The following ANAPC7 variants were observed in gnomAD, a reference collection of about 807,000 sequenced individuals.
The protein encoded by ANAPC7 is anaphase-promoting complex subunit 7.
Under a neutral mutation model 63.3 loss-of-function variants are expected in ANAPC7, and 25 were observed. The observed-to-expected ratio is 0.39, with a 90% confidence interval of 0.29 to 0.55. The LOEUF is 0.55. ANAPC7 is among the 20% of genes least tolerant of loss of function. The probability of loss-of-function intolerance (pLI) is 0.57; values close to 1 mark genes in which losing one functional copy is unlikely to be tolerated. For missense variants in ANAPC7, 516 were observed against 691.7 expected, an observed-to-expected ratio of 0.75 and a Z score of 2.85; for synonymous variants, 241 against 251.7, an observed-to-expected ratio of 0.96 and a Z score of 0.40.
In ANAPC7 at chr12:110,396,481, C is replaced by A. The variant is rs1474947139; in HGVS notation, c.102-29G>T. The A allele has an allele frequency of 4.6e-6, 7 of 1,515,424 alleles. No individual in the cohort carries two copies. The South Asian group carries it at 7.3e-5, about 16-fold the overall frequency. 93.9% of individuals were successfully genotyped at this position (1,515,424 alleles called of 1,614,324 possible). A position where few individuals can be genotyped will look rare whatever the true frequency, so the allele number is the denominator to read the frequency against. ...GAAAACAAGAGAAAATGTAATACAT[C>A]TTTTCCTCCCTTTCAATCCAAGCTC... On this transcript the variant is annotated intron_variant, in intron 1 of 10. Transcript: ENST00000455511.
chr12:110,393,818 G>T (rs2137974993), intron 3 of ANAPC7, among the ~76,000 whole-genome samples: 1 of 140,040 alleles, frequency 7.1e-6, no homozygotes, highest in Admixed American at 7.7e-5. Context: ...AGTGAGCTGA[G>T]ATTGCACCAT....
Position 110,395,227 on chromosome 12 carries a change from GA to G in ANAPC7, c.289-8del. On this transcript the variant is annotated splice_polypyrimidine_tract_variant and splice_region_variant and intron_variant, in intron 2 of 10. Coordinates refer to ENST00000455511, the MANE Select transcript of ANAPC7 (RefSeq NM_016238.3). ...CAATTTCAGATGGAAGACACTAAAA[GA>G]CAATGGAAATATTTCTTTGAAACGT... 1 of 1,603,796 alleles carries G rather than the reference GA, an allele frequency of 6.2e-7. No homozygotes were observed. The highest frequency in any genetic ancestry group is 2.2e-5 in the East Asian group (1 of 44,738).
rs551234332 is a variant in ANAPC7, at chr12:110,389,098, A to G, written c.409-475T>C. Among the ~76,000 whole-genome samples the G allele has an allele frequency of 1.6e-3, 232 of 145,936 alleles. 2 individuals are homozygous for G. The highest frequency in any genetic ancestry group is 3.7e-3 in the African/African-American group (136 of 37,240). ...CTCCATCTTAAAAAAAAAAAAAAAA[A>G]AAAAGAAAAGAAAAGAAATTACTAC... On this transcript the variant is annotated intron_variant, in intron 3 of 10. Transcript: ENST00000455511.
chr12:110,388,294 C>T, intron 4 of ANAPC7, among the ~76,000 whole-genome samples: 1 of 152,142 alleles, frequency 6.6e-6, no homozygotes, highest in East Asian at 1.9e-4. Context: ...ACCTCAGCCT[C>T]CCAAGGTGCT....
chr12:110,397,429 T>G (rs1280884744), intron 1 of ANAPC7, among the ~76,000 whole-genome samples: 1 of 151,834 alleles, frequency 6.6e-6, no homozygotes, highest in East Asian at 1.9e-4. Context: ...GGCAGGCGCC[T>G]GTAGTCCCAG....
At chr12:110,401,073 C>T (rs997055632) in intron 1 of ANAPC7, among the ~76,000 whole-genome samples, 2 of 152,042 alleles carry the variant, frequency 1.3e-5, no homozygotes, top group African/African-American at 4.8e-5. Context: ...AACAAAACAC[C>T]AAAGTGCACT....
At position 110,382,971 on chromosome 12, in the gene ANAPC7, A is replaced by AT. The variant is rs768547668; in HGVS notation, c.818-12_818-11insA. The AT allele has an allele frequency of 6.4e-5, 102 of 1,604,554 alleles. No homozygotes were observed. The highest frequency in any genetic ancestry group is 8.4e-5 in the Non-Finnish European group (99 of 1,172,528). ...CATATACATCCATTCCTAGAAGAGA[A>AT]GGACATAGTGAGAAGAGGTGTTTTA... On this transcript the variant is annotated splice_polypyrimidine_tract_variant and intron_variant, in intron 6 of 10. Coordinates refer to ENST00000455511, the MANE Select transcript of ANAPC7 (RefSeq NM_016238.3).
intron 10 of ANAPC7, chr12:110,375,616 G>A: frequency 1.3e-6 from 1 of 793,746 alleles, no homozygotes; most frequent in Non-Finnish European, 1.5e-6. Flanking sequence ...AAGGAAATGT[G>A]TTAGTAACTT....
At chr12:110,389,081 T>TA (rs778746037) in intron 3 of ANAPC7, among the ~76,000 whole-genome samples, 3,586 of 97,302 alleles carry the variant, frequency 0.037, 95 homozygotes, top group African/African-American at 0.1. Flanking sequence ...GACTCCATCT[T>TA]AAAAAAAAAA....
chr12:110,391,821 G>T (rs181879395), intron 3 of ANAPC7, among the ~76,000 whole-genome samples: 1 of 152,176 alleles, frequency 6.6e-6, no homozygotes, highest in Non-Finnish European at 1.5e-5. Flanking sequence ...TTGGCCGGGC[G>T]TGGTGGCTCA....
chr12:110,380,748 A>G (rs915804688), intron 8 of ANAPC7, among the ~76,000 whole-genome samples: 2 of 151,454 alleles, frequency 1.3e-5, no homozygotes, highest in African/African-American at 4.8e-5. Context: ...AGGTCAGAAG[A>G]TTGAGACCAT....
At chr12:110,382,094 T>G (rs954719143) in intron 7 of ANAPC7, 146 bp from the exon 8 acceptor site, 4 of 817,278 alleles carry the variant, frequency 4.9e-6, no homozygotes, top group Non-Finnish European at 7.0e-6. Context: ...ACCTAAGATA[T>G]TAGTAGAAAA....
chr12:110,381,976 CAA>C, intron 7 of ANAPC7, 28 bp from the exon 8 acceptor site: 5 of 1,360,840 alleles, frequency 3.7e-6, no homozygotes, highest in Non-Finnish European at 4.9e-6. Flanking sequence ...AAAAAAAACA[CAA>C]AAACCCCAGA....
chr12:110,373,913 C>T lies in ANAPC7; in HGVS notation c.*231G>A, dbSNP rs1439664410. ...CATGTGCGTGGGTCTCGGGGCACTC[C>T]CTCAGTCCTCCCTGGCTGGAGCAGG... On this transcript the variant is annotated 3_prime_UTR_variant, in exon 11 of 11. Coordinates refer to ENST00000455511, the MANE Select transcript of ANAPC7 (RefSeq NM_016238.3). 4.4e-6 allele frequency: 2 copies of T among 455,410 alleles called. No individual in the cohort carries two copies. Among genetic ancestry groups the T allele is most frequent in the African/African-American group, 4.0e-5 (2 of 49,836 alleles). 28.2% of individuals were successfully genotyped at this position (455,410 alleles called of 1,614,324 possible). A position where few individuals can be genotyped will look rare whatever the true frequency, so the allele number is the denominator to read the frequency against.
chr12:110,393,497 G>T (rs190961315), intron 3 of ANAPC7, among the ~76,000 whole-genome samples: 6 of 152,086 alleles, frequency 3.9e-5, no homozygotes, highest in African/African-American at 7.2e-5. Flanking sequence ...GGAGGCTAAG[G>T]GGGGAGGACA....
At chr12:110,391,453 T>G (rs949326668) in intron 3 of ANAPC7, among the ~76,000 whole-genome samples, 5 of 152,228 alleles carry the variant, frequency 3.3e-5, no homozygotes, top group Non-Finnish European at 7.3e-5. Flanking sequence ...AGACACATTT[T>G]GACTCACTTC....
Position 110,387,726 on chromosome 12 carries a change from T to C in ANAPC7, c.674+13A>G, listed in dbSNP as rs1165959552. ...GGGCCTCAAGAACACTGAATTAACT[T>C]TGTGGCTCTCACCAGATGGTACTGA... is the stretch of plus-strand genomic sequence containing the variant. On this transcript the variant is annotated intron_variant, in intron 5 of 10. Transcript: ENST00000455511. 1 of 1,596,062 alleles carries C rather than the reference T, an allele frequency of 6.3e-7. No individual in the cohort carries two copies. The highest frequency in any genetic ancestry group is 8.6e-7 in the Non-Finnish European group (1 of 1,165,900).
chr12:110,394,610 T>G (rs1301245287), intron 3 of ANAPC7, among the ~76,000 whole-genome samples: 1 of 134,644 alleles, frequency 7.4e-6, no homozygotes, highest in African/African-American at 2.9e-5. Flanking sequence ...TGGGCAACTT[T>G]GCAGTGAGCC....
intron 4 of ANAPC7, 120 bp from the exon 5 acceptor site, chr12:110,388,012 T>C (rs1459965115): frequency 9.9e-7 from 1 of 1,009,270 alleles, no homozygotes; most frequent in Non-Finnish European, 1.4e-6. Context: ...TTCTGAGCGA[T>C]GCATGAGAGA....
Sources: allele counts gnomAD v4.1 joint callset (sites outside exome capture counted in the v4.1 genomes callset), GRCh38; gene constraint gnomAD v4.1.1; transcripts MANE v1.5; gene names NCBI Gene and HGNC (gene_info 2026-07-23, HGNC 2026-07-21).